The following COL4A5 variants were observed in gnomAD, a reference collection of about 807,000 sequenced individuals.
COL4A5 encodes collagen alpha-5(IV) chain.
A neutral mutation model predicts 130.2 loss-of-function variants in COL4A5; 26 were observed. That is an observed-to-expected ratio of 0.20 (90% CI 0.15 to 0.28). The LOEUF (loss-of-function observed/expected upper bound fraction) is 0.28. Ranked by LOEUF, COL4A5 falls within the 10% of genes least tolerant of loss-of-function variation. The pLI is 1.00. For missense variants in COL4A5, 1,131 were observed against 1,344.3 expected, an observed-to-expected ratio of 0.84 and a Z score of 2.48; for synonymous variants, 496 against 439.6, an observed-to-expected ratio of 1.13 and a Z score of -1.60.
intron 1 of COL4A5, among the ~76,000 whole-genome samples, chrX:108,465,607 C>A (rs2064698474): frequency 8.9e-6 from 1 of 111,799 alleles, no homozygotes. Context: ...TTATGAAGCG[C>A]AGCTTATCAT....
intron 1 of COL4A5, among the ~76,000 whole-genome samples, chrX:108,486,024 GA>G (rs1476319000): frequency 8.9e-6 from 1 of 112,052 alleles, no homozygotes; most frequent in Non-Finnish European, 1.9e-5. Flanking sequence ...GGGCTGGTTT[GA>G]ATGCTCCCAC....
intron 46 of COL4A5, 135 bp downstream of exon 46, chrX:108,681,091 G>C: frequency 2.0e-6 from 1 of 512,198 alleles, no homozygotes. Context: ...ACAAGGCTCT[G>C]CCTTTATTTA....
chrX:108,580,852 A>G lies in COL4A5; in HGVS notation c.891+114A>G. ...GTTTCAAAATATCACTACTGACATT[A>G]TAATGTTGATGTCTAAAAAGTCTAC... On this transcript the variant is annotated intron_variant, in intron 15 of 52. Transcript: ENST00000328300. 3.2e-6 allele frequency: 3 copies of G among 951,991 alleles called. No homozygotes were observed. In the South Asian group the frequency reaches 5.8e-5, roughly 19 times the overall value. 78.5% of individuals were successfully genotyped at this position (951,991 alleles called of 1,213,427 possible). A position where few individuals can be genotyped will look rare whatever the true frequency, so the allele number is the denominator to read the frequency against.
At chrX:108,476,706 T>C (rs2064836901) in intron 1 of COL4A5, among the ~76,000 whole-genome samples, 1 of 110,321 alleles carries the variant, frequency 9.1e-6, no homozygotes. Context: ...GCCTGACTTA[T>C]TTCACTTAAC....
Position 108,444,175 on chromosome X carries a change from AC to A in COL4A5, c.81+3972del, listed in dbSNP as rs1332068995. 4.7e-5 allele frequency among the ~76,000 whole-genome samples: 5 copies of A among 106,821 alleles called. No individual in the cohort carries two copies. In the East Asian group the frequency reaches 1.5e-3, roughly 31 times the overall value. The allele number at this position is 106,821 out of a possible 115,157, so 92.8% of individuals were successfully genotyped here. On this transcript the variant is annotated intron_variant, in intron 1 of 52. Coordinates refer to ENST00000328300, the MANE Select transcript of COL4A5 (RefSeq NM_033380.3). ...AACATGTCTCCATCATTTTTTAAGCACCCTCTTACTTTCTGGCACCACAGAT... is the reference window on the plus strand; with the variant it reads ...AACATGTCTCCATCATTTTTTAAGCACCTCTTACTTTCTGGCACCACAGAT...
chrX:108,686,209 G>T, intron 48 of COL4A5, 80 bp downstream of exon 48: 1 of 733,423 alleles, frequency 1.4e-6, no homozygotes. Flanking sequence ...CCTCCACTTA[G>T]AGCTGTGAGA....
At chrX:108,695,606 A>G (rs1362535489) in intron 52 of COL4A5, 167 bp downstream of exon 52, 3 of 522,296 alleles carry the variant, frequency 5.7e-6, no homozygotes, top group East Asian at 7.4e-5. Flanking sequence ...GGTCAGAAAA[A>G]CAGACTTGAT....
intron 2 of COL4A5, among the ~76,000 whole-genome samples, chrX:108,550,620 C>T (rs767632550): frequency 1.8e-5 from 2 of 111,994 alleles, no homozygotes; most frequent in South Asian, 7.3e-4. Flanking sequence ...GAGTTCCTTT[C>T]TCCTAACTTC....
intron 1 of COL4A5, among the ~76,000 whole-genome samples, chrX:108,471,676 G>A (rs776458182): frequency 9.0e-5 from 10 of 111,690 alleles, no homozygotes; most frequent in East Asian, 2.8e-4. Context: ...GTACTATGTC[G>A]AAAAGGAGTG....
intron 17 of COL4A5, among the ~76,000 whole-genome samples, chrX:108,583,569 T>C (rs2066285084): frequency 9.0e-6 from 1 of 111,603 alleles, no homozygotes; most frequent in African/African-American, 3.3e-5. Flanking sequence ...TTTTGGTTTT[T>C]CAGGCAAGGA....
At chrX:108,532,989 T>A (rs1176260936) in intron 1 of COL4A5, among the ~76,000 whole-genome samples, 1 of 111,644 alleles carries the variant, frequency 9.0e-6, no homozygotes, top group East Asian at 2.8e-4. Context: ...TTCAACATAA[T>A]CGCTATCAAA....
In COL4A5 at chrX:108,439,979, T is replaced by A; in HGVS notation, c.-147T>A. Reference sequence around the variant, plus strand: ...TCTTCTTTTTTTTTTCTTCCACTCTTAAAAAGCTTCTTTCTCTTCACCCAA... The same window carrying A: ...TCTTCTTTTTTTTTTCTTCCACTCTAAAAAAGCTTCTTTCTCTTCACCCAA... On this transcript the variant is annotated 5_prime_UTR_variant, in exon 1 of 53. Transcript: ENST00000328300. 1 of 476,132 alleles carries A rather than the reference T, an allele frequency of 2.1e-6. No homozygotes were observed. Among genetic ancestry groups the A allele is most frequent in the South Asian group, 3.0e-5 (1 of 32,996 alleles). The allele number at this position is 476,132 out of a possible 1,213,427, so 39.2% of individuals were successfully genotyped here.
At chrX:108,592,274 GTTC>G (rs1369169942) in intron 21 of COL4A5, among the ~76,000 whole-genome samples, 2 of 111,087 alleles carry the variant, frequency 1.8e-5, no homozygotes, top group Non-Finnish European at 3.8e-5. Flanking sequence ...TCTAAAGCCA[GTTC>G]TTCTATTTAT....
intron 33 of COL4A5, 121 bp from the exon 34 acceptor site, chrX:108,624,115 A>G (rs2067106395): frequency 5.3e-6 from 3 of 567,389 alleles, no homozygotes; most frequent in Non-Finnish European, 9.1e-6. Flanking sequence ...ATACTATATC[A>G]GAATATCACC....
intron 1 of COL4A5, among the ~76,000 whole-genome samples, chrX:108,507,530 C>T (rs1029509015): frequency 7.2e-5 from 8 of 111,800 alleles, no homozygotes; most frequent in African/African-American, 1.3e-4. Context: ...ACATTCCGGC[C>T]GGGCATGGTG....
At chrX:108,539,717 G>A (rs866175558) in intron 1 of COL4A5, 29 bp from the exon 2 acceptor site, 2 of 1,178,275 alleles carry the variant, frequency 1.7e-6, no homozygotes, top group Non-Finnish European at 1.2e-6. Context: ...CATATTTAAT[G>A]ATTTTTTCCC....
At chrX:108,571,923 T>C in intron 8 of COL4A5, 86 bp downstream of exon 8, 1 of 742,352 alleles carries the variant, frequency 1.3e-6, no homozygotes, top group Non-Finnish European at 2.1e-6. Flanking sequence ...CTCAAACTTC[T>C]GTCTTAAAAT....
At chrX:108,541,529 A>C (rs2065539007) in intron 2 of COL4A5, among the ~76,000 whole-genome samples, 1 of 112,368 alleles carries the variant, frequency 8.9e-6, no homozygotes, top group African/African-American at 3.2e-5. Context: ...AACCCAGACA[A>C]AAACCCATGG....
At chrX:108,612,161 A>G (rs1437571060) in intron 29 of COL4A5, among the ~76,000 whole-genome samples, 1 of 111,664 alleles carries the variant, frequency 9.0e-6, no homozygotes, top group Non-Finnish European at 1.9e-5. Context: ...TGATAAAGAC[A>G]TTTACAAAAT....
Sources: gnomAD v4.1 joint callset for allele counts (sites outside exome capture counted in the v4.1 genomes callset) on GRCh38, gnomAD v4.1.1 for gene constraint, MANE v1.5 for transcripts, NCBI Gene and HGNC (gene_info 2026-07-23, HGNC 2026-07-21) for gene names.